The following FGF14 variants were observed in gnomAD, a reference collection of about 807,000 sequenced individuals.
FGF14 encodes fibroblast growth factor 14.
A neutral mutation model predicts 25.5 loss-of-function variants in FGF14; 5 were observed. The ratio of observed to expected loss-of-function variants is 0.20; its 90% CI spans 0.10 to 0.41. FGF14 has a LOEUF of 0.41. Ranked by LOEUF, FGF14 falls within the 10% of genes least tolerant of loss-of-function variation. The probability of loss-of-function intolerance (pLI) is 1.00; values close to 1 mark genes in which losing one functional copy is unlikely to be tolerated. For synonymous variants in FGF14, 138 were observed against 118.3 expected (o/e 1.17, Z -1.08); for missense variants, 222 against 320.1 (o/e 0.69, Z 2.34).
intron 1 of FGF14, among the ~76,000 whole-genome samples, chr13:102,266,387 A>C (rs970185186): frequency 1.4e-4 from 21 of 152,162 alleles, no homozygotes; most frequent in African/African-American, 4.3e-4. Context: ...ATCAGTGATA[A>C]GCAAACTCTA....
chr13:101,824,445 C>T (rs985385056), intron 3 of FGF14, among the ~76,000 whole-genome samples: 62 of 152,176 alleles, frequency 4.1e-4, no homozygotes, highest in Admixed American at 3.3e-3. Flanking sequence ...ATTACTTCTT[C>T]GTTTTCTCTC....
At chr13:102,393,979 A>G (rs2058498490) in intron 1 of FGF14, 1 of 152,292 alleles carries the variant, frequency 6.6e-6, no homozygotes. Context: ...TACAATCAGG[A>G]CTGGGTGTGA....
chr13:101,841,645 C>A (rs73561283), intron 3 of FGF14, among the ~76,000 whole-genome samples: 3 of 152,024 alleles, frequency 2.0e-5, no homozygotes, highest in South Asian at 4.1e-4. Flanking sequence ...GATTGAACAT[C>A]GGAATGGTAA....
chr13:102,089,709 AATTCTGT>A (rs1369336994), intron 1 of FGF14, among the ~76,000 whole-genome samples: 1 of 152,210 alleles, frequency 6.6e-6, no homozygotes, highest in Non-Finnish European at 1.5e-5. Context: ...TTTTGAGCAC[AATTCTGT>A]TTCATCAAAA....
At chr13:102,026,790 G>C (rs1302683486) in intron 1 of FGF14, among the ~76,000 whole-genome samples, 1 of 151,884 alleles carries the variant, frequency 6.6e-6, no homozygotes, top group East Asian at 1.9e-4. Context: ...TTCTTACTCT[G>C]AGTCATTATT....
intron 1 of FGF14, chr13:102,293,424 G>A (rs1306855874): frequency 6.6e-6 from 1 of 152,138 alleles, no homozygotes; most frequent in Non-Finnish European, 1.5e-5. Flanking sequence ...GCTACCATAG[G>A]TACTGCATTT....
chr13:102,175,427 A>C (rs1382227215), intron 1 of FGF14, among the ~76,000 whole-genome samples: 1 of 152,188 alleles, frequency 6.6e-6, no homozygotes, highest in African/African-American at 2.4e-5. Context: ...CTCACCATAT[A>C]CAAAAATTAA....
intron 3 of FGF14, among the ~76,000 whole-genome samples, chr13:101,771,198 G>A (rs1044617674): frequency 2.0e-5 from 3 of 152,024 alleles, no homozygotes; most frequent in African/African-American, 7.2e-5. Context: ...AGCCCCTACA[G>A]TGTTAGCTCC....
intron 1 of FGF14, among the ~76,000 whole-genome samples, chr13:101,898,982 C>A (rs2031144551): frequency 6.6e-6 from 1 of 152,070 alleles, no homozygotes; most frequent in African/African-American, 2.4e-5. Flanking sequence ...AAGCTTTTGG[C>A]AATCCACAAT....
intron 3 of FGF14, among the ~76,000 whole-genome samples, chr13:101,866,711 T>C (rs1297273479): frequency 6.6e-6 from 1 of 152,176 alleles, no homozygotes; most frequent in Non-Finnish European, 1.5e-5. Flanking sequence ...ACTGAAATAT[T>C]TGAAGTTCAA....
intron 1 of FGF14, among the ~76,000 whole-genome samples, chr13:102,352,280 CA>C (rs1566955780): frequency 1.4e-3 from 205 of 149,182 alleles, no homozygotes; most frequent in African/African-American, 5.1e-3. Flanking sequence ...CACACACACA[CA>C]CACACACACC....
intron 3 of FGF14, among the ~76,000 whole-genome samples, chr13:101,823,814 C>T (rs1446718354): frequency 6.7e-6 from 1 of 149,482 alleles, no homozygotes; most frequent in Non-Finnish European, 1.5e-5. Flanking sequence ...ATTATATGTA[C>T]ATATATCTTT....
intron 1 of FGF14, among the ~76,000 whole-genome samples, chr13:101,963,561 T>C (rs951989253): frequency 5.9e-5 from 9 of 152,170 alleles, no homozygotes; most frequent in Non-Finnish European, 1.2e-4. Flanking sequence ...AATCAAAATA[T>C]GCAATAGCTC....
At chr13:101,726,048 A>C (rs1692679087) in intron 4 of FGF14, among the ~76,000 whole-genome samples, 1 of 152,036 alleles carries the variant, frequency 6.6e-6, no homozygotes, top group South Asian at 2.1e-4. Flanking sequence ...TAATGCTACA[A>C]ATGTATACAG....
chr13:102,219,838 G>A (rs773402037), intron 1 of FGF14, among the ~76,000 whole-genome samples: 8 of 151,894 alleles, frequency 5.3e-5, no homozygotes, highest in Non-Finnish European at 1.2e-4. Flanking sequence ...CCTAACCCAG[G>A]GACATTACTT....
intron 1 of FGF14, among the ~76,000 whole-genome samples, chr13:102,399,239 A>G (rs1410132195): frequency 6.6e-6 from 1 of 152,208 alleles, no homozygotes; most frequent in East Asian, 1.9e-4. Flanking sequence ...AAAAAAAATT[A>G]TAAAGGCCTA....
intron 1 of FGF14, among the ~76,000 whole-genome samples, chr13:102,265,221 G>A (rs1594639118): frequency 6.6e-6 from 1 of 151,938 alleles, no homozygotes; most frequent in South Asian, 2.1e-4. Flanking sequence ...TTATGTTTTT[G>A]TGTAAGTAAA....
At chr13:101,797,528 C>G (rs934152711) in intron 3 of FGF14, among the ~76,000 whole-genome samples, 1 of 151,998 alleles carries the variant, frequency 6.6e-6, no homozygotes, top group African/African-American at 2.4e-5. Context: ...GTTAACAGAA[C>G]AAATATTTAT....
chr13:101,804,543 T>C (rs916648946), intron 3 of FGF14, among the ~76,000 whole-genome samples: 8 of 152,174 alleles, frequency 5.3e-5, no homozygotes, highest in African/African-American at 1.9e-4. Context: ...AACCTACTTA[T>C]AAGCATCTGC....
Sources: allele counts gnomAD v4.1 joint callset (sites outside exome capture counted in the v4.1 genomes callset), GRCh38; gene constraint gnomAD v4.1.1; transcripts MANE v1.5; gene names NCBI Gene and HGNC (gene_info 2026-07-23, HGNC 2026-07-21).